Variants in GRAMD1C observed in about 807,000 individuals in gnomAD.
GRAMD1C encodes protein Aster-C.
In GRAMD1C, 89 loss-of-function variants were observed where a neutral mutation model predicts 97.8. The observed-to-expected ratio is 0.91, with a 90% CI of 0.77 to 1.09. The LOEUF is 1.09. Ranked by LOEUF, GRAMD1C falls within the 50% of genes least tolerant of loss-of-function variation. The pLI is 0.00. For synonymous variants in GRAMD1C, 256 were observed against 267.0 expected, an observed-to-expected ratio of 0.96 and a Z score of 0.40; for missense variants, 740 against 766.4, an observed-to-expected ratio of 0.97 and a Z score of 0.41.
At chr3:113,868,203 T>G (rs1236245835) in intron 2 of GRAMD1C, among the ~76,000 whole-genome samples, 2 of 152,230 alleles carry the variant, frequency 1.3e-5, no homozygotes, top group South Asian at 2.1e-4. Flanking sequence ...CCTTTAGTTC[T>G]TTAAGCATGG....
At chr3:113,837,791 C>G (rs991738058), upstream of GRAMD1C, among the ~76,000 whole-genome samples, 16 of 152,256 alleles carry the variant, frequency 1.1e-4, no homozygotes, top group African/African-American at 3.9e-4. Context: ...GCCAGTAGTC[C>G]CAGCTACTCG....
intron 2 of GRAMD1C, among the ~76,000 whole-genome samples, chr3:113,847,562 TA>T (rs1235607100): frequency 2.0e-5 from 3 of 152,254 alleles, no homozygotes; most frequent in Admixed American, 2.0e-4. Context: ...CTCTGCCATT[TA>T]AAATCCATCA....
intron 12 of GRAMD1C, 60 bp downstream of exon 12, chr3:113,933,713 A>T: frequency 8.4e-7 from 1 of 1,190,226 alleles, no homozygotes; most frequent in Non-Finnish European, 1.2e-6. Context: ...TAATTTATTC[A>T]TCCTGAATTC....
chr3:113,907,531 T>C (rs897052184), intron 8 of GRAMD1C, among the ~76,000 whole-genome samples: 1 of 152,160 alleles, frequency 6.6e-6, no homozygotes, highest in Non-Finnish European at 1.5e-5. Flanking sequence ...CTGTTTGCAT[T>C]CAAGAGCCAT....
At position 113,876,233 on chromosome 3, in the gene GRAMD1C, T is replaced by C. The variant is rs1935028143; in HGVS notation, c.432T>C (p.Ala144=). 1.3e-6 allele frequency: 2 copies of C among 1,590,572 alleles called. No individual in the cohort carries two copies. The highest frequency in any genetic ancestry group is 2.2e-5 in the East Asian group (1 of 44,720). Reference sequence around the variant, plus strand: ...AAACTGCTCGACTCATCCCAAACGCTATCCAGATAGTTACAGAAAGTGAAA... The same window carrying C: ...AAACTGCTCGACTCATCCCAAACGCCATCCAGATAGTTACAGAAAGTGAAA... ...KEKTARLIPN[A]IQIVTESEKF... is the part of the protein sequence containing the mutation. The change falls in exon 5 of 18, where the codon GCT becomes GCC. Residue 144 remains alanine, a synonymous_variant. Coordinates refer to ENST00000358160, the MANE Select transcript of GRAMD1C (RefSeq NM_017577.5).
intron 10 of GRAMD1C, among the ~76,000 whole-genome samples, chr3:113,927,395 G>C (rs1227561185): frequency 6.6e-6 from 1 of 152,108 alleles, no homozygotes; most frequent in African/African-American, 2.4e-5. Context: ...TTGGCAGACA[G>C]GCCATATGCT....
At chr3:113,838,083 G>C (rs1709668300), upstream of GRAMD1C, among the ~76,000 whole-genome samples, 1 of 152,118 alleles carries the variant, frequency 6.6e-6, no homozygotes, top group South Asian at 2.1e-4. Flanking sequence ...ATGTTAATGA[G>C]GCATGTCCAA....
intron 5 of GRAMD1C, among the ~76,000 whole-genome samples, chr3:113,876,477 C>T (rs1051980080): frequency 6.6e-6 from 1 of 152,136 alleles, no homozygotes; most frequent in African/African-American, 2.4e-5. Flanking sequence ...AACTTTCACT[C>T]ATATTTTTCA....
At chr3:113,885,228 G>T (rs889832170) in intron 6 of GRAMD1C, 5 of 909,708 alleles carry the variant, frequency 5.5e-6, no homozygotes, top group African/African-American at 1.7e-5. Flanking sequence ...TTCGGCGGGG[G>T]TTGCCCCCGG....
At chr3:113,942,916 A>G (rs114215454) in intron 17 of GRAMD1C, among the ~76,000 whole-genome samples, 4,728 of 152,240 alleles carry the variant, frequency 0.031, 240 homozygotes, top group African/African-American at 0.1. Context: ...GTTGGTTCTC[A>G]GCATTACTTT....
At chr3:113,927,566 G>A (rs1459981136) in intron 10 of GRAMD1C, among the ~76,000 whole-genome samples, 1 of 152,226 alleles carries the variant, frequency 6.6e-6, no homozygotes, top group South Asian at 2.1e-4. Context: ...GGGACTGGAT[G>A]TGGTCACCTA....
Position 113,838,890 on chromosome 3 carries a change from C to G in GRAMD1C, c.-20C>G. On this transcript the variant is annotated 5_prime_UTR_variant, in exon 1 of 18. Coordinates refer to ENST00000358160, the MANE Select transcript of GRAMD1C (RefSeq NM_017577.5). ...GTGCGGTGCGCGCGGGGCGGTGCCG[C>G]GGCGGCGGAGGGAGCCGCGATGGAG... 8.1e-7 allele frequency: 1 copy of G among 1,231,392 alleles called. No individual in the cohort carries two copies. The highest frequency in any genetic ancestry group is 3.2e-5 in the East Asian group (1 of 31,478). 76.3% of individuals were successfully genotyped at this position (1,231,392 alleles called of 1,614,324 possible).
At chr3:113,900,409 A>AATTATTATTATTATTATTTT (rs1936120718) in intron 6 of GRAMD1C, among the ~76,000 whole-genome samples, 1 of 137,464 alleles carries the variant, frequency 7.3e-6, no homozygotes, top group Non-Finnish European at 1.5e-5. Flanking sequence ...AGTATGAACA[A>AATTATTATTATTATTATTTT]ATTATTATTA....
intron 2 of GRAMD1C, among the ~76,000 whole-genome samples, chr3:113,857,559 G>A (rs1934193680): frequency 6.6e-6 from 1 of 152,020 alleles, no homozygotes; most frequent in Non-Finnish European, 1.5e-5. Flanking sequence ...TGTATTTTTA[G>A]TAGGGACGGG....
chr3:113,939,957 C>T lies in GRAMD1C; in HGVS notation c.1763C>T (p.Ser588Phe), dbSNP rs1427126456. 7.5e-6 allele frequency: 12 copies of T among 1,607,214 alleles called. No homozygotes were observed. The highest frequency in any genetic ancestry group is 1.3e-5 in the African/African-American group (1 of 74,784). ...TCAAAGATAGAACATGCTGCTCAGTCCTTTTACCGTCTCCGCCTCCAAGAA... is the reference window on the plus strand; with the variant it reads ...TCAAAGATAGAACATGCTGCTCAGTTCTTTTACCGTCTCCGCCTCCAAGAA... ...KLSKIEHAAQ[S>F]FYRLRLQEEK... is the part of the protein sequence containing the mutation. Residue 588 changes from serine (S) to phenylalanine (F), a missense_variant, in exon 16 of 18, where the codon TCC becomes TTC. By Grantham distance (155) the Ser-to-Phe change is radical (BLOSUM62 -2). Coordinates refer to ENST00000358160, the MANE Select transcript of GRAMD1C (RefSeq NM_017577.5).
chr3:113,912,566 T>G (rs976614086), intron 9 of GRAMD1C, among the ~76,000 whole-genome samples: 1 of 151,958 alleles, frequency 6.6e-6, no homozygotes, highest in African/African-American at 2.4e-5. Context: ...AAGACTTGTC[T>G]CTACAAAAAA....
chr3:113,886,546 C>T (rs1935489799), intron 6 of GRAMD1C, among the ~76,000 whole-genome samples: 1 of 152,012 alleles, frequency 6.6e-6, no homozygotes, highest in Admixed American at 6.6e-5. Context: ...ATTTTTCTCT[C>T]CTTAGACTCC....
chr3:113,939,638 T>C, intron 15 of GRAMD1C: 1 of 338,710 alleles, frequency 3.0e-6, no homozygotes, highest in Admixed American at 4.5e-5. Flanking sequence ...ACCCCAAACC[T>C]GTGAGTTCGG....
At chr3:113,890,683 C>T (rs1195347553) in intron 6 of GRAMD1C, 10 of 680,930 alleles carry the variant, frequency 1.5e-5, no homozygotes, top group Non-Finnish European at 2.1e-5. Context: ...AAGGCACCAG[C>T]GACATCGCAG....
Sources: gnomAD v4.1 joint callset for allele counts (sites outside exome capture counted in the v4.1 genomes callset) on GRCh38, gnomAD v4.1.1 for gene constraint, MANE v1.5 for transcripts, NCBI Gene and HGNC (gene_info 2026-07-23, HGNC 2026-07-21) for gene names.